The following SHTN1 variants were observed in gnomAD, a reference collection of about 807,000 sequenced individuals.
The protein encoded by SHTN1 is shootin 1, also known as shootin-1.
A neutral mutation model predicts 83.1 loss-of-function variants in SHTN1; 42 were observed. The ratio of observed to expected loss-of-function variants is 0.51; its 90% CI spans 0.39 to 0.65. The LOEUF is 0.65. SHTN1 is among the 30% of genes least tolerant of loss of function. SHTN1 has a pLI of 0.00. For missense variants in SHTN1, 622 were observed against 737.8 expected (o/e 0.84, Z 1.82); for synonymous variants, 224 against 247.7 (o/e 0.90, Z 0.90).
At chr10:117,021,385 C>A (rs1389939804) in intron 2 of SHTN1, among the ~76,000 whole-genome samples, 1 of 152,066 alleles carries the variant, frequency 6.6e-6, no homozygotes, top group African/African-American at 2.4e-5. Context: ...AGCCTGGCAA[C>A]AAAGTGAGAC....
chr10:117,094,168 C>A (rs1436265056), intron 1 of SHTN1, among the ~76,000 whole-genome samples: 1 of 152,102 alleles, frequency 6.6e-6, no homozygotes, highest in African/African-American at 2.4e-5. Context: ...AAATGTATTG[C>A]CCCAAAAAGA....
chr10:117,058,550 G>C (rs1366956139), intron 1 of SHTN1, among the ~76,000 whole-genome samples: 1 of 152,118 alleles, frequency 6.6e-6, no homozygotes, highest in Non-Finnish European at 1.5e-5. Context: ...GGGGATAGGA[G>C]AAATTAGAAC....
At chr10:117,036,336 C>G (rs2133576681) in intron 2 of SHTN1, among the ~76,000 whole-genome samples, 1 of 152,296 alleles carries the variant, frequency 6.6e-6, no homozygotes, top group African/African-American at 2.4e-5. Flanking sequence ...TCTGCACTCT[C>G]ATGTTTGTTG....
intron 1 of SHTN1, among the ~76,000 whole-genome samples, chr10:117,106,585 G>T (rs1424464111): frequency 1.3e-5 from 2 of 152,094 alleles, no homozygotes; most frequent in Non-Finnish European, 2.9e-5. Flanking sequence ...CAAACTTTTG[G>T]GATCAATGAC....
chr10:116,931,953 C>G (rs1238951275), intron 9 of SHTN1, among the ~76,000 whole-genome samples: 1 of 152,132 alleles, frequency 6.6e-6, no homozygotes, highest in African/African-American at 2.4e-5. Context: ...TTACAGACAG[C>G]TAAGAAACAT....
intron 3 of SHTN1, 147 bp from the exon 4 acceptor site, chr10:116,960,377 T>C (rs748930003): frequency 1.9e-6 from 1 of 522,388 alleles, no homozygotes; most frequent in Non-Finnish European, 3.4e-6. Context: ...TTTGAGAAGC[T>C]GCCCTGATTA....
At position 116,881,711 on chromosome 10, in the gene SHTN1, G is replaced by A; in HGVS notation, c.*4633C>T. 1 of 1,390,170 alleles carries A rather than the reference G, an allele frequency of 7.2e-7. No homozygotes were observed. Among genetic ancestry groups the A allele is most frequent in the Non-Finnish European group, 9.4e-7 (1 of 1,064,104 alleles). 86.1% of individuals were successfully genotyped at this position (1,390,170 alleles called of 1,614,324 possible). A position where few individuals can be genotyped will look rare whatever the true frequency, so the allele number is the denominator to read the frequency against. The stretch of plus-strand genomic sequence containing the variant: ...GGTTCCAGCCACACCATCAGTATTA[G>A]TAGACCGGGAGGTCTGAAGTACGGC... On this transcript the variant is annotated 3_prime_UTR_variant, in exon 17 of 17. Transcript: ENST00000355371.
chr10:117,002,818 T>G (rs562329994), intron 1 of SHTN1, among the ~76,000 whole-genome samples: 56 of 152,320 alleles, frequency 3.7e-4, no homozygotes, highest in Middle Eastern at 3.4e-3. Flanking sequence ...TCCCCAAAAG[T>G]GTACCTTTTA....
At chr10:116,935,339 A>G (rs1323756301) in intron 9 of SHTN1, among the ~76,000 whole-genome samples, 1 of 152,196 alleles carries the variant, frequency 6.6e-6, no homozygotes, top group Non-Finnish European at 1.5e-5. Context: ...GATAAGTTCC[A>G]TCAATATCTA....
At chr10:116,928,071 A>G (rs759462543) in intron 10 of SHTN1, among the ~76,000 whole-genome samples, 180 bp from the exon 11 acceptor site, 5 of 152,234 alleles carry the variant, frequency 3.3e-5, no homozygotes, top group Non-Finnish European at 5.9e-5. Context: ...TCTATTGCTA[A>G]TGCAAGAGAG....
chr10:117,108,822 A>T (rs1853715699), intron 1 of SHTN1, among the ~76,000 whole-genome samples: 1 of 152,206 alleles, frequency 6.6e-6, no homozygotes, highest in Admixed American at 6.5e-5. Flanking sequence ...GAAAACAGAG[A>T]GGTGAAAAAA....
At chr10:117,099,968 G>A (rs189305143) in intron 1 of SHTN1, among the ~76,000 whole-genome samples, 2 of 151,892 alleles carry the variant, frequency 1.3e-5, no homozygotes, top group East Asian at 1.9e-4. Flanking sequence ...ATCTGAGGTC[G>A]GGAGTTCGAG....
intron 1 of SHTN1, among the ~76,000 whole-genome samples, chr10:116,995,223 T>C (rs1365972207): frequency 6.6e-6 from 1 of 152,140 alleles, no homozygotes; most frequent in African/African-American, 2.4e-5. Context: ...GTTTTGGGTC[T>C]TCAAGGAGGT....
chr10:116,961,965 A>G (rs1296820062), intron 3 of SHTN1, among the ~76,000 whole-genome samples: 1 of 152,078 alleles, frequency 6.6e-6, no homozygotes, highest in Non-Finnish European at 1.5e-5. Flanking sequence ...TAGTGGTCTT[A>G]TCATTATAAC....
chr10:117,090,793 G>A (rs1216750690), intron 1 of SHTN1, among the ~76,000 whole-genome samples: 1 of 139,398 alleles, frequency 7.2e-6, no homozygotes, highest in African/African-American at 2.8e-5. Flanking sequence ...AAGGAAGGAA[G>A]GAAGGAAGGA....
chr10:117,061,539 G>A (rs1231534434), intron 1 of SHTN1, among the ~76,000 whole-genome samples: 10 of 148,512 alleles, frequency 6.7e-5, no homozygotes, highest in Non-Finnish European at 1.2e-4. Context: ...GCATGATCTC[G>A]GCTCACTGCA....
intron 1 of SHTN1, among the ~76,000 whole-genome samples, chr10:117,077,711 G>A (rs370957507): frequency 8.7e-4 from 132 of 151,976 alleles, no homozygotes; most frequent in African/African-American, 3.0e-3. Context: ...TCCCACCTAT[G>A]AGTGAGAACA....
intron 1 of SHTN1, among the ~76,000 whole-genome samples, chr10:117,111,950 T>C (rs1853773831): frequency 6.6e-6 from 1 of 151,894 alleles, no homozygotes; most frequent in Admixed American, 6.6e-5. Flanking sequence ...TACCAGTGTT[T>C]TGGTTTTTTT....
At chr10:116,969,816 C>A (rs183535571) in intron 2 of SHTN1, among the ~76,000 whole-genome samples, 1 of 152,152 alleles carries the variant, frequency 6.6e-6, no homozygotes, top group East Asian at 1.9e-4. Context: ...TTCAGTATAT[C>A]TTGAATTTCA....
Sources: gnomAD v4.1 joint callset for allele counts (sites outside exome capture counted in the v4.1 genomes callset) on GRCh38, gnomAD v4.1.1 for gene constraint, MANE v1.5 for transcripts, NCBI Gene and HGNC (gene_info 2026-07-23, HGNC 2026-07-21) for gene names.